Variants in CTNNA3 observed in about 807,000 individuals in gnomAD.
The protein encoded by CTNNA3 is catenin alpha-3.
CTNNA3 carries 76 observed loss-of-function variants against 95.7 expected under a neutral mutation model. The ratio of observed to expected loss-of-function variants is 0.79; its 90% CI spans 0.66 to 0.96. The LOEUF (loss-of-function observed/expected upper bound fraction) is 0.96, where lower values mean the gene tolerates loss of function less well. CTNNA3 is among the 40% of genes least tolerant of loss of function. The pLI, the probability that CTNNA3 is intolerant of heterozygous loss-of-function variation, is 0.00. For missense variants in CTNNA3, 1,191 were observed against 1,089.8 expected, an observed-to-expected ratio of 1.09 and a Z score of -1.31; for synonymous variants, 431 against 374.4, an observed-to-expected ratio of 1.15 and a Z score of -1.74.
intron 9 of CTNNA3, among the ~76,000 whole-genome samples, chr10:66,669,848 T>C (rs1290086944): frequency 6.6e-6 from 1 of 152,160 alleles, no homozygotes; most frequent in Non-Finnish European, 1.5e-5. Flanking sequence ...TCTGCTGCAA[T>C]CTTACAGCCC....
Position 67,628,770 on chromosome 10 carries a change from C to CA in CTNNA3, c.99+18644dup, listed in dbSNP as rs35942406. On this transcript the variant is annotated intron_variant, in intron 2 of 17. Coordinates refer to ENST00000433211, the MANE Select transcript of CTNNA3 (RefSeq NM_013266.4). ...TGTTATGTTGAATTGTTGTAGGCCA[C>CA]AAAAAAAAGACCAAATATCTTTGTC... is the stretch of plus-strand genomic sequence containing the variant. Among the ~76,000 whole-genome samples the CA allele has an allele frequency of 5.6e-4, 84 of 151,056 alleles. 2 individuals carry two copies. Among genetic ancestry groups the CA allele is most frequent in the African/African-American group, 1.9e-3 (79 of 41,198 alleles).
rs919076204 is a variant in CTNNA3 at position 65,914,076 on chromosome 10, T to C, written c.*6254A>G. On this transcript the variant is annotated 3_prime_UTR_variant, in exon 18 of 18. Transcript: ENST00000433211. ...CTTGAAAATGCCAAGGAAATAAACT[T>C]TGGAACTGGGAATATTTCATTTGAA... The C allele has an allele frequency of 6.6e-6, 1 of 152,112 alleles. No homozygotes were observed. Among genetic ancestry groups the C allele is most frequent in the Non-Finnish European group, 1.5e-5 (1 of 67,982 alleles). The allele number at this position is 152,112 out of a possible 1,614,324, so 9.4% of individuals were successfully genotyped here.
intron 5 of CTNNA3, among the ~76,000 whole-genome samples, chr10:67,256,177 A>G (rs891803475): frequency 6.6e-5 from 10 of 152,148 alleles, no homozygotes; most frequent in Non-Finnish European, 1.5e-5. Flanking sequence ...CCATTAGGAA[A>G]ATATTATTTG....
intron 13 of CTNNA3, among the ~76,000 whole-genome samples, chr10:66,171,679 C>A (rs938030527): frequency 6.6e-6 from 1 of 152,008 alleles, no homozygotes; most frequent in Non-Finnish European, 1.5e-5. Context: ...TAGGCTCATC[C>A]AGGTTTGGAC....
At chr10:66,876,099 G>A (rs58631764) in intron 7 of CTNNA3, among the ~76,000 whole-genome samples, 40,481 of 152,044 alleles carry the variant, frequency 0.27, 6,297 homozygotes, top group Non-Finnish European at 0.36. Flanking sequence ...TCTTCCAGAA[G>A]AAACAGGAAA....
rs763810397 is a variant in CTNNA3 at position 66,763,352 on chromosome 10, A to AGAGAGC, written c.1281+2911_1281+2912insGCTCTC. Among the ~76,000 whole-genome samples, 2 of 147,886 alleles carry AGAGAGC rather than the reference A, an allele frequency of 1.4e-5. 1 individual carries two copies. Among genetic ancestry groups the AGAGAGC allele is most frequent in the Admixed American group, 1.4e-4 (2 of 14,758 alleles). On this transcript the variant is annotated intron_variant, in intron 9 of 17. Coordinates refer to ENST00000433211, the MANE Select transcript of CTNNA3 (RefSeq NM_013266.4). ...CACACACACACACACAGAGAGAGAG[A>AGAGAGC]GGGAGAGAGAGAGAAAGAGAGAAAG...
At chr10:66,037,097 C>T (rs1027128156) in intron 15 of CTNNA3, among the ~76,000 whole-genome samples, 1 of 151,988 alleles carries the variant, frequency 6.6e-6, no homozygotes. Flanking sequence ...TGGTCTTGAT[C>T]TCCTGACCTC....
At chr10:66,459,606 T>C (rs948569631) in intron 11 of CTNNA3, among the ~76,000 whole-genome samples, 2 of 152,122 alleles carry the variant, frequency 1.3e-5, no homozygotes, top group Non-Finnish European at 2.9e-5. Flanking sequence ...CTGAGAAATA[T>C]GTTGTTAGGT....
chr10:67,727,044 C>T (rs1564841553), intron 1 of CTNNA3, among the ~76,000 whole-genome samples: 1 of 105,118 alleles, frequency 9.5e-6, no homozygotes, highest in African/African-American at 4.4e-5. Flanking sequence ...ATATATGATA[C>T]ATATATGATA....
At chr10:67,106,619 A>G (rs951755244) in intron 7 of CTNNA3, among the ~76,000 whole-genome samples, 31 of 152,316 alleles carry the variant, frequency 2.0e-4, no homozygotes, top group Non-Finnish European at 3.7e-4. Flanking sequence ...TAGAAAGATA[A>G]GAAACGGATG....
intron 7 of CTNNA3, among the ~76,000 whole-genome samples, chr10:66,871,546 G>A (rs1469876467): frequency 1.9e-5 from 2 of 107,318 alleles, no homozygotes; most frequent in Admixed American, 2.6e-4. Context: ...TGGGCAACAA[G>A]AGTGAAACTC....
At chr10:66,340,390 T>C (rs1243567886) in intron 12 of CTNNA3, among the ~76,000 whole-genome samples, 3 of 151,836 alleles carry the variant, frequency 2.0e-5, no homozygotes, top group Non-Finnish European at 4.4e-5. Context: ...TGGGTGGTTA[T>C]ACCTAAAAAC....
chr10:67,235,295 G>T (rs561705372), intron 5 of CTNNA3, among the ~76,000 whole-genome samples: 84 of 151,490 alleles, frequency 5.5e-4, no homozygotes, highest in Admixed American at 2.4e-3. Flanking sequence ...AAAACAGCAT[G>T]GTACTGGTAC....
chr10:66,201,783 C>CTTTTTTTTTTT (rs1236010501), intron 13 of CTNNA3, among the ~76,000 whole-genome samples: 46 of 79,372 alleles, frequency 5.8e-4, no homozygotes, highest in African/African-American at 8.2e-4. Flanking sequence ...TTTACTTTTT[C>CTTTTTTTTTTT]TTTTTTTTTT....
At chr10:66,177,630 A>C (rs1292785799) in intron 13 of CTNNA3, among the ~76,000 whole-genome samples, 1 of 152,070 alleles carries the variant, frequency 6.6e-6, no homozygotes, top group Non-Finnish European at 1.5e-5. Flanking sequence ...TCTAATTACA[A>C]ACAGTAGCAG....
chr10:66,490,666 C>A (rs1470785075), intron 11 of CTNNA3, among the ~76,000 whole-genome samples: 1 of 152,144 alleles, frequency 6.6e-6, no homozygotes, highest in African/African-American at 2.4e-5. Flanking sequence ...TCTCAGATGA[C>A]ATTTCTCTGC....
At chr10:66,791,037 T>C (rs1314922753) in intron 7 of CTNNA3, among the ~76,000 whole-genome samples, 5 of 152,186 alleles carry the variant, frequency 3.3e-5, no homozygotes, top group Admixed American at 6.6e-5. Flanking sequence ...CTGTTACTTT[T>C]TACCCTCCCA....
At chr10:66,232,555 C>G (rs995035067) in intron 13 of CTNNA3, among the ~76,000 whole-genome samples, 1 of 152,058 alleles carries the variant, frequency 6.6e-6, no homozygotes, top group South Asian at 2.1e-4. Flanking sequence ...CTTTTCTGTG[C>G]AAATTTAAAA....
intron 5 of CTNNA3, among the ~76,000 whole-genome samples, chr10:67,417,808 T>C (rs1256807397): frequency 1.3e-5 from 2 of 152,142 alleles, no homozygotes; most frequent in Admixed American, 6.5e-5. Flanking sequence ...ATCTCTCCAT[T>C]TAAATTCTTA....
Sources: allele counts gnomAD v4.1 joint callset (sites outside exome capture counted in the v4.1 genomes callset), GRCh38; gene constraint gnomAD v4.1.1; transcripts MANE v1.5; gene names NCBI Gene and HGNC (gene_info 2026-07-23, HGNC 2026-07-21).